Variants in PRKG1 observed in about 807,000 individuals in gnomAD.
PRKG1 encodes the protein protein kinase cGMP-dependent 1, also known as cGMP-dependent protein kinase 1.
PRKG1 carries 35 observed loss-of-function variants against 88.1 expected under a neutral mutation model. The observed-to-expected ratio is 0.40, with a 90% CI of 0.30 to 0.53. PRKG1 has a LOEUF of 0.53. Among genes scored for constraint, PRKG1 ranks in the 20% least tolerant of loss-of-function variants. The probability of loss-of-function intolerance (pLI) is 0.59; values close to 1 mark genes in which losing one functional copy is unlikely to be tolerated. For synonymous variants in PRKG1, 303 were observed against 292.5 expected (o/e 1.04, Z -0.37); for missense variants, 540 against 839.8 (o/e 0.64, Z 4.41).
At chr10:51,782,288 C>G (rs1350440440) in intron 3 of PRKG1, among the ~76,000 whole-genome samples, 1 of 152,202 alleles carries the variant, frequency 6.6e-6, no homozygotes, top group Non-Finnish European at 1.5e-5. Flanking sequence ...TTTCAACTTA[C>G]CATGGGTTAT....
chr10:51,281,065 T>A (rs895448692), intron 2 of PRKG1, among the ~76,000 whole-genome samples: 1 of 152,230 alleles, frequency 6.6e-6, no homozygotes, highest in Non-Finnish European at 1.5e-5. Flanking sequence ...TTCTGTTTGT[T>A]AGTTTTCCTT....
intron 1 of PRKG1, among the ~76,000 whole-genome samples, chr10:51,015,129 TA>T (rs2132727861): frequency 6.6e-6 from 1 of 152,352 alleles, no homozygotes; most frequent in South Asian, 2.1e-4. Flanking sequence ...AATCTCTTTT[TA>T]AATGAGAAAA....
chr10:51,465,314 T>C (rs1362191945), intron 2 of PRKG1, among the ~76,000 whole-genome samples: 1 of 152,222 alleles, frequency 6.6e-6, no homozygotes. Flanking sequence ...TTTACTCGCA[T>C]GGCCCATAGG....
chr10:51,362,044 G>A (rs1191113723), intron 2 of PRKG1, among the ~76,000 whole-genome samples: 3 of 151,820 alleles, frequency 2.0e-5, no homozygotes, highest in Non-Finnish European at 4.4e-5. Flanking sequence ...TAAAAATTAA[G>A]TATAAGGGTT....
chr10:51,606,646 A>T (rs1321978777), intron 3 of PRKG1, among the ~76,000 whole-genome samples: 1 of 152,206 alleles, frequency 6.6e-6, no homozygotes, highest in Non-Finnish European at 1.5e-5. Context: ...TGCAAATCAA[A>T]GTATGCCTGT....
intron 7 of PRKG1, among the ~76,000 whole-genome samples, chr10:52,098,601 A>G (rs1490069719): frequency 6.6e-6 from 1 of 152,220 alleles, no homozygotes; most frequent in African/African-American, 2.4e-5. Context: ...ACGTGAGGTC[A>G]GGAGTTCGAG....
chr10:51,510,361 T>TAAG (rs1841357909), intron 3 of PRKG1, among the ~76,000 whole-genome samples: 1 of 152,176 alleles, frequency 6.6e-6, no homozygotes, highest in Non-Finnish European at 1.5e-5. Flanking sequence ...ATCTACTCTC[T>TAAG]TAGCAAATTT....
At chr10:52,095,534 C>T (rs1847152617) in intron 7 of PRKG1, among the ~76,000 whole-genome samples, 1 of 152,134 alleles carries the variant, frequency 6.6e-6, no homozygotes, top group Admixed American at 6.5e-5. Context: ...GGGTTGAAGG[C>T]AGGGATCTTT....
chr10:51,800,278 A>C (rs1255473812), intron 3 of PRKG1, among the ~76,000 whole-genome samples: 1 of 152,096 alleles, frequency 6.6e-6, no homozygotes, highest in Non-Finnish European at 1.5e-5. Flanking sequence ...CAGATTTCTT[A>C]GTCAGTTCGG....
intron 7 of PRKG1, among the ~76,000 whole-genome samples, chr10:52,094,061 A>G (rs1050641691): frequency 4.6e-5 from 7 of 152,152 alleles, no homozygotes; most frequent in African/African-American, 1.7e-4. Context: ...TAAAGATTCT[A>G]AAAAAGAAAA....
intron 4 of PRKG1, among the ~76,000 whole-genome samples, chr10:51,890,608 T>C (rs947964732): frequency 3.3e-5 from 5 of 152,192 alleles, no homozygotes; most frequent in Admixed American, 3.3e-4. Flanking sequence ...AGGTAAACAA[T>C]TAGAAGTTTC....
chr10:51,379,762 T>C (rs532778042), intron 2 of PRKG1, among the ~76,000 whole-genome samples: 1 of 152,322 alleles, frequency 6.6e-6, no homozygotes, highest in South Asian at 2.1e-4. Flanking sequence ...AGGCTAACCT[T>C]TGAGACAAGG....
chr10:51,097,368 G>A (rs1844556551), intron 1 of PRKG1, among the ~76,000 whole-genome samples: 1 of 152,054 alleles, frequency 6.6e-6, no homozygotes, highest in Admixed American at 6.6e-5. Flanking sequence ...GATTACAGGT[G>A]CCTGCCACCA....
intron 3 of PRKG1, among the ~76,000 whole-genome samples, chr10:51,654,461 T>C (rs1197105298): frequency 6.6e-6 from 1 of 152,174 alleles, no homozygotes; most frequent in Non-Finnish European, 1.5e-5. Context: ...GGTAGTGTGA[T>C]ACCTTCAGCT....
At chr10:51,200,991 A>G (rs532798257) in intron 2 of PRKG1, among the ~76,000 whole-genome samples, 14 of 152,302 alleles carry the variant, frequency 9.2e-5, no homozygotes, top group African/African-American at 2.4e-4. Context: ...TGATGGGGCC[A>G]CTAATGAACA....
intron 2 of PRKG1, among the ~76,000 whole-genome samples, chr10:51,424,359 T>C (rs1267665103): frequency 6.6e-6 from 1 of 152,110 alleles, no homozygotes; most frequent in Non-Finnish European, 1.5e-5. Flanking sequence ...TCAAATATGA[T>C]ACCTTTCCAA....
chr10:51,822,895 C>A (rs1839785713), intron 4 of PRKG1, among the ~76,000 whole-genome samples: 2 of 151,988 alleles, frequency 1.3e-5, no homozygotes, highest in Non-Finnish European at 2.9e-5. Context: ...GTTGGTGGTT[C>A]TTCTAAACTG....
chr10:52,150,730 A>G (rs540401760), intron 8 of PRKG1, among the ~76,000 whole-genome samples: 2 of 152,332 alleles, frequency 1.3e-5, no homozygotes, highest in East Asian at 3.9e-4. Context: ...CAAAAAGTCT[A>G]CTAAAACAGA....
At chr10:51,380,568 G>A (rs1278498685) in intron 2 of PRKG1, among the ~76,000 whole-genome samples, 1 of 152,142 alleles carries the variant, frequency 6.6e-6, no homozygotes, top group African/African-American at 2.4e-5. Context: ...GGGAGACTGA[G>A]GCTGGCAGGT....
Sources: gnomAD v4.1 joint callset for allele counts (sites outside exome capture counted in the v4.1 genomes callset) on GRCh38, gnomAD v4.1.1 for gene constraint, MANE v1.5 for transcripts, NCBI Gene and HGNC (gene_info 2026-07-23, HGNC 2026-07-21) for gene names.